CCDC85A: variants seen among roughly 807,000 people sequenced by gnomAD.
The protein encoded by CCDC85A is coiled-coil domain containing 85A, also known as coiled-coil domain-containing protein 85A.
In CCDC85A, 38 loss-of-function variants were observed where a neutral mutation model predicts 50.2. The ratio of observed to expected loss-of-function variants is 0.76; its 90% CI spans 0.58 to 0.99. The LOEUF is 0.99. Ranked by LOEUF, CCDC85A falls within the 50% of genes least tolerant of loss-of-function variation. The pLI is 0.00. For missense variants in CCDC85A, 820 were observed against 742.0 expected (o/e 1.11, Z -1.22); for synonymous variants, 366 against 301.4 (o/e 1.21, Z -2.22).
intron 2 of CCDC85A, among the ~76,000 whole-genome samples, chr2:56,228,616 T>A (rs571963056): frequency 1.3e-5 from 2 of 152,232 alleles, no homozygotes; most frequent in Admixed American, 1.3e-4. Flanking sequence ...CACTGCAAGC[T>A]CTGCCTCCCA....
At chr2:56,201,481 A>C (rs1252956600) in intron 2 of CCDC85A, among the ~76,000 whole-genome samples, 5 of 152,160 alleles carry the variant, frequency 3.3e-5, no homozygotes, top group Admixed American at 1.3e-4. Context: ...ATTATAAAGA[A>C]AAGTGAAAAG....
At chr2:56,245,516 G>A (rs1193356614) in intron 2 of CCDC85A, among the ~76,000 whole-genome samples, 1 of 152,208 alleles carries the variant, frequency 6.6e-6, no homozygotes, top group African/African-American at 2.4e-5. Context: ...CAGCTACTGT[G>A]ATTGCTTCCC....
At chr2:56,309,018 C>T (rs1480971204) in intron 2 of CCDC85A, among the ~76,000 whole-genome samples, 1 of 152,148 alleles carries the variant, frequency 6.6e-6, no homozygotes, top group Non-Finnish European at 1.5e-5. Context: ...AATTCTCCAA[C>T]TGGGACTTGG....
intron 2 of CCDC85A, among the ~76,000 whole-genome samples, chr2:56,304,041 T>C (rs1672323209): frequency 6.6e-6 from 1 of 152,218 alleles, no homozygotes; most frequent in Non-Finnish European, 1.5e-5. Context: ...CCTAGTGATT[T>C]TCATCAAATG....
At chr2:56,230,368 GTTCCC>G (rs1668725114) in intron 2 of CCDC85A, among the ~76,000 whole-genome samples, 1 of 152,098 alleles carries the variant, frequency 6.6e-6, no homozygotes, top group Admixed American at 6.6e-5. Flanking sequence ...ATATTTTTGT[GTTCCC>G]TACTCTCTTA....
intron 2 of CCDC85A, among the ~76,000 whole-genome samples, 193 bp downstream of exon 2, chr2:56,193,633 T>A (rs1268082081): frequency 6.6e-6 from 1 of 152,172 alleles, no homozygotes; most frequent in Non-Finnish European, 1.5e-5. Flanking sequence ...TCTAAACAGT[T>A]ATCAGTCAGT....
chr2:56,276,589 C>T (rs773172112), intron 2 of CCDC85A, among the ~76,000 whole-genome samples: 9 of 152,112 alleles, frequency 5.9e-5, no homozygotes, highest in East Asian at 1.9e-4. Flanking sequence ...GCCGCTGCCA[C>T]GTGAGATGTG....
At chr2:56,252,438 A>C (rs776718236) in intron 2 of CCDC85A, among the ~76,000 whole-genome samples, 2 of 152,164 alleles carry the variant, frequency 1.3e-5, no homozygotes, top group Non-Finnish European at 2.9e-5. Context: ...TTAGGCTCTC[A>C]TGGGGGTGTG....
At chr2:56,263,184 A>G (rs1258758293) in intron 2 of CCDC85A, among the ~76,000 whole-genome samples, 4 of 152,204 alleles carry the variant, frequency 2.6e-5, no homozygotes, top group African/African-American at 9.6e-5. Context: ...TCCTGAAAAG[A>G]GCCCAGCACC....
chr2:56,379,792 G>C, intron 5 of CCDC85A: 1 of 985,082 alleles, frequency 1.0e-6, no homozygotes, highest in Non-Finnish European at 1.2e-6. Context: ...ACAGGGTAAA[G>C]AGTATGAACA....
At chr2:56,380,442 C>T (rs1676528330) in intron 5 of CCDC85A, among the ~76,000 whole-genome samples, 1 of 151,920 alleles carries the variant, frequency 6.6e-6, no homozygotes, top group Non-Finnish European at 1.5e-5. Context: ...CACCTATAGT[C>T]CCAGCACTTT....
chr2:56,310,684 G>T (rs890992418), intron 2 of CCDC85A, among the ~76,000 whole-genome samples: 3 of 152,162 alleles, frequency 2.0e-5, no homozygotes, highest in African/African-American at 4.8e-5. Context: ...TATCAGAGCT[G>T]TTCCCCTGAC....
intron 2 of CCDC85A, among the ~76,000 whole-genome samples, chr2:56,263,859 T>A (rs2104030659): frequency 6.6e-6 from 1 of 152,342 alleles, no homozygotes; most frequent in South Asian, 2.1e-4. Context: ...GGGGTTTTAG[T>A]CCTTGGCCTT....
intron 2 of CCDC85A, among the ~76,000 whole-genome samples, chr2:56,229,512 C>T (rs1179226163): frequency 6.6e-6 from 1 of 152,046 alleles, no homozygotes. Context: ...GACTTTGGTA[C>T]TGGTAGCAAG....
intron 2 of CCDC85A, among the ~76,000 whole-genome samples, chr2:56,271,410 G>T (rs1230233461): frequency 6.6e-6 from 1 of 152,110 alleles, no homozygotes; most frequent in African/African-American, 2.4e-5. Context: ...CCAGGAAGCA[G>T]GAGAACTAAC....
chr2:56,247,714 TATC>T (rs1158328572), intron 2 of CCDC85A, among the ~76,000 whole-genome samples: 1 of 152,224 alleles, frequency 6.6e-6, no homozygotes, highest in Non-Finnish European at 1.5e-5. Flanking sequence ...TGTAAAAAGA[TATC>T]ATAAGGGATA....
At chr2:56,183,917 G>A (rs928276289), upstream of CCDC85A, 1 of 985,410 alleles carries the variant, frequency 1.0e-6, no homozygotes. Flanking sequence ...TCCAGCCCAT[G>A]CGGGAGCTGC....
chr2:56,289,986 G>A (rs552892474), intron 2 of CCDC85A, among the ~76,000 whole-genome samples: 2 of 152,150 alleles, frequency 1.3e-5, no homozygotes, highest in South Asian at 4.1e-4. Flanking sequence ...TCCCAGAGGG[G>A]TCGAGGTGGT....
intron 2 of CCDC85A, among the ~76,000 whole-genome samples, chr2:56,341,989 G>GTT (rs60272480): frequency 6.9e-6 from 1 of 145,652 alleles, no homozygotes; most frequent in Admixed American, 6.8e-5. Flanking sequence ...TTTATTTTCT[G>GTT]TTTTTTTTTT....
Sources: gnomAD v4.1 joint callset for allele counts (sites outside exome capture counted in the v4.1 genomes callset) on GRCh38, gnomAD v4.1.1 for gene constraint, MANE v1.5 for transcripts, NCBI Gene and HGNC (gene_info 2026-07-23, HGNC 2026-07-21) for gene names.